Variants in FARP1 observed in about 807,000 individuals in gnomAD.
The protein encoded by FARP1 is FERM, ARHGEF and pleckstrin domain-containing protein 1.
Under a neutral mutation model 128.8 loss-of-function variants are expected in FARP1, and 52 were observed. That is an observed-to-expected ratio of 0.40 (90% CI 0.32 to 0.51). FARP1 has a LOEUF of 0.51. Ranked by LOEUF, FARP1 falls within the 20% of genes least tolerant of loss-of-function variation. The pLI is 0.45. For synonymous variants in FARP1, 580 were observed against 551.8 expected, an observed-to-expected ratio of 1.05 and a Z score of -0.72; for missense variants, 1,333 against 1,367.9, an observed-to-expected ratio of 0.97 and a Z score of 0.40.
chr13:98,260,529 A>G (rs1883825864), intron 2 of FARP1, among the ~76,000 whole-genome samples: 1 of 152,146 alleles, frequency 6.6e-6, no homozygotes, highest in Admixed American at 6.6e-5. Context: ...GAGGTCTGGA[A>G]CTCAATCCAG....
chr13:98,174,137 T>C (rs1223575617), intron 1 of FARP1, among the ~76,000 whole-genome samples: 2 of 152,226 alleles, frequency 1.3e-5, no homozygotes, highest in African/African-American at 4.8e-5. Context: ...GTTTACCCAC[T>C]CTATGTTAGT....
intron 2 of FARP1, among the ~76,000 whole-genome samples, chr13:98,306,617 C>G (rs1886175184): frequency 6.6e-6 from 1 of 152,154 alleles, no homozygotes; most frequent in Non-Finnish European, 1.5e-5. Context: ...TGGGCTTGAT[C>G]AGTCCTTCTG....
intron 17 of FARP1, among the ~76,000 whole-genome samples, chr13:98,424,893 GTT>G (rs10700673): frequency 0.17 from 24,370 of 147,454 alleles, 2,090 homozygotes; most frequent in Middle Eastern, 0.27. Context: ...TGATTTTGGG[GTT>G]TTTTTTTTTT....
intron 2 of FARP1, among the ~76,000 whole-genome samples, chr13:98,226,713 G>C (rs1237352858): frequency 6.6e-6 from 1 of 152,116 alleles, no homozygotes; most frequent in Non-Finnish European, 1.5e-5. Flanking sequence ...ACATGTATGT[G>C]TACTTGGAAT....
chr13:98,176,365 T>C lies in FARP1; in HGVS notation c.-24+32873T>C, dbSNP rs1269774758. 1 of 1,614,232 alleles carries C rather than the reference T, an allele frequency of 6.2e-7. No individual in the cohort carries two copies. Among genetic ancestry groups the C allele is most frequent in the Non-Finnish European group, 8.5e-7 (1 of 1,180,036 alleles). On this transcript the variant is annotated intron_variant, in intron 1 of 26. Transcript: ENST00000319562. This position sits in a 1 kb window ranked among gnomAD's most constrained non-coding sequence, Gnocchi z 6.2. ...GCCGCCGGTTGGCTGGTCACAGATG[T>C]AGCAGCGCGGGGTGGCCCGGAAGTG...
At position 98,289,046 on chromosome 13, in the gene FARP1, C is replaced by T. The variant is rs7993926; in HGVS notation, c.172-54716C>T. Among the ~76,000 whole-genome samples the T allele has an allele frequency of 9.9e-3, 1,474 of 149,530 alleles. 18 individuals carry two copies. The highest frequency in any genetic ancestry group is 0.034 in the African/African-American group (1,357 of 40,478). ...TTCTTTTATAACTCATTAATGTTTG[C>T]GATACCGTGTACTCAAATATTCAAT... is the stretch of plus-strand genomic sequence containing the variant. On this transcript the variant is annotated intron_variant, in intron 2 of 26. Coordinates refer to ENST00000319562, the MANE Select transcript of FARP1 (RefSeq NM_005766.4).
intron 2 of FARP1, among the ~76,000 whole-genome samples, chr13:98,334,692 A>G (rs1566890942): frequency 6.6e-6 from 1 of 152,124 alleles, no homozygotes; most frequent in Non-Finnish European, 1.5e-5. Flanking sequence ...GAAGTACACT[A>G]ATTAAGGTAA....
At chr13:98,246,803 GA>G (rs1408536502) in intron 2 of FARP1, among the ~76,000 whole-genome samples, 2 of 152,182 alleles carry the variant, frequency 1.3e-5, no homozygotes, top group African/African-American at 4.8e-5. Context: ...CCAGAGCCCT[GA>G]AATGGAACAT....
intron 16 of FARP1, among the ~76,000 whole-genome samples, chr13:98,419,919 A>C (rs966918301): frequency 1.1e-4 from 16 of 152,054 alleles, no homozygotes; most frequent in Admixed American, 6.5e-5. Flanking sequence ...GAGTAAACAC[A>C]CTTGGGTTTA....
At chr13:98,394,700 T>C (rs1481264599) in intron 12 of FARP1, among the ~76,000 whole-genome samples, 1 of 152,130 alleles carries the variant, frequency 6.6e-6, no homozygotes, top group African/African-American at 2.4e-5. Context: ...CTTGGGAGGC[T>C]GAGGTGGGAG....
chr13:98,400,505 CTT>C (rs1890719497), intron 13 of FARP1: 1 of 152,214 alleles, frequency 6.6e-6, no homozygotes, highest in African/African-American at 2.4e-5. Flanking sequence ...CACAGAATGA[CTT>C]TGGTGAAACT....
intron 2 of FARP1, among the ~76,000 whole-genome samples, chr13:98,264,736 G>A (rs551129954): frequency 1.3e-5 from 2 of 152,268 alleles, no homozygotes; most frequent in African/African-American, 4.8e-5. Flanking sequence ...CTATTGATTA[G>A]TAAGAATTAC....
At chr13:98,329,834 A>G (rs983484475) in intron 2 of FARP1, 1 of 152,218 alleles carries the variant, frequency 6.6e-6, no homozygotes, top group Non-Finnish European at 1.5e-5. Flanking sequence ...TGTTCTCGTG[A>G]ACAAAACAAG....
At chr13:98,334,866 G>A (rs1056184034) in intron 2 of FARP1, among the ~76,000 whole-genome samples, 3 of 152,190 alleles carry the variant, frequency 2.0e-5, no homozygotes, top group South Asian at 2.1e-4. Flanking sequence ...AGATCAGCTC[G>A]TACCTTGAGT....
intron 3 of FARP1, among the ~76,000 whole-genome samples, chr13:98,347,181 T>C (rs1295477405): frequency 1.3e-5 from 2 of 152,222 alleles, no homozygotes; most frequent in Admixed American, 1.3e-4. Flanking sequence ...CAACCCAGTG[T>C]CTGGGATCCA....
chr13:98,287,664 C>G (rs9300471), intron 2 of FARP1, among the ~76,000 whole-genome samples: 37,095 of 151,908 alleles, frequency 0.24, 5,043 homozygotes, highest in African/African-American at 0.36. Flanking sequence ...ATTTCCTAAG[C>G]TACAGTTGAT....
At chr13:98,215,622 C>G (rs747437238) in intron 2 of FARP1, among the ~76,000 whole-genome samples, 4 of 152,142 alleles carry the variant, frequency 2.6e-5, no homozygotes, top group African/African-American at 9.7e-5. Flanking sequence ...ACATGCACGT[C>G]CAACTGCCTG....
intron 4 of FARP1, among the ~76,000 whole-genome samples, chr13:98,366,445 G>T (rs1439844909): frequency 6.6e-6 from 1 of 152,216 alleles, no homozygotes; most frequent in Non-Finnish European, 1.5e-5. Context: ...TGTTGGGGGC[G>T]AAGAGAAGCC....
At chr13:98,273,850 G>A (rs1049314102) in intron 2 of FARP1, among the ~76,000 whole-genome samples, 2 of 152,200 alleles carry the variant, frequency 1.3e-5, no homozygotes, top group Non-Finnish European at 2.9e-5. Context: ...GCAGAGCAGG[G>A]ATTTGAACCT....
Sources: allele counts gnomAD v4.1 joint callset (sites outside exome capture counted in the v4.1 genomes callset), GRCh38; gene constraint gnomAD v4.1.1; non-coding constraint Gnocchi (gnomAD v3.1); transcripts MANE v1.5; gene names NCBI Gene and HGNC (gene_info 2026-07-23, HGNC 2026-07-21).